The following EDDM13 variants were observed in gnomAD, a reference collection of about 807,000 sequenced individuals.
The protein encoded by EDDM13 is epididymal protein 13.
Under a neutral mutation model 17.8 loss-of-function variants are expected in EDDM13, and 24 were observed. The ratio of observed to expected loss-of-function variants is 1.35; its 90% CI spans 0.98 to 1.90. The LOEUF (loss-of-function observed/expected upper bound fraction) is 1.90. Among genes scored for constraint, EDDM13 ranks in the 40% most tolerant of loss-of-function variants. The probability of loss-of-function intolerance (pLI) is 0.00; values close to 1 mark genes in which losing one functional copy is unlikely to be tolerated. For missense variants in EDDM13, 97 were observed against 100.8 expected (o/e 0.96, Z 0.16); for synonymous variants, 31 against 37.5 (o/e 0.83, Z 0.63).
At chr19:56,281,807 G>A (rs2038729957) in intron 3 of EDDM13, 109 bp downstream of exon 3, 1 of 578,454 alleles carries the variant, frequency 1.7e-6, no homozygotes, top group Non-Finnish European at 2.2e-6. Flanking sequence ...CATTCAACCT[G>A]GGGCAGATTC....
intron 11 of EDDM13, 95 bp downstream of exon 11, chr19:56,296,457 C>T (rs2147207493): frequency 6.6e-6 from 1 of 152,250 alleles, no homozygotes; most frequent in East Asian, 1.9e-4. Context: ...TAAATATCAT[C>T]AGACCCTACA....
chr19:56,293,586 CT>C (rs1325969315), intron 9 of EDDM13, among the ~76,000 whole-genome samples: 1 of 152,232 alleles, frequency 6.6e-6, no homozygotes, highest in Admixed American at 6.5e-5. Context: ...GGACCCTCGC[CT>C]CCTGAAGGGC....
chr19:56,299,800 T>C (rs1162836318), intron 12 of EDDM13: 3 of 152,206 alleles, frequency 2.0e-5, no homozygotes, highest in Admixed American at 6.5e-5. Flanking sequence ...TTAAAAAGTA[T>C]TTTTGACCAG....
chr19:56,297,616 G>A (rs1332468347), intron 12 of EDDM13, 85 bp downstream of exon 12: 1 of 816,960 alleles, frequency 1.2e-6, no homozygotes, highest in African/African-American at 2.0e-5. Context: ...TAGAAGAGAA[G>A]ATTTCAGGTA....
At chr19:56,283,947 G>C (rs889121733) in intron 4 of EDDM13, 1 of 152,246 alleles carries the variant, frequency 6.6e-6, no homozygotes, top group Non-Finnish European at 1.5e-5. Context: ...CACTTTGGAC[G>C]CTCTTCCCTG....
chr19:56,292,713 A>T (rs2039602180), intron 9 of EDDM13, among the ~76,000 whole-genome samples: 1 of 152,116 alleles, frequency 6.6e-6, no homozygotes, highest in South Asian at 2.1e-4. Flanking sequence ...TTAAACAGTC[A>T]GTCCCCATTC....
intron 8 of EDDM13, among the ~76,000 whole-genome samples, chr19:56,290,045 C>T (rs896878652): frequency 6.6e-6 from 1 of 152,138 alleles, no homozygotes; most frequent in African/African-American, 2.4e-5. Flanking sequence ...CAAATGGAAC[C>T]CAAGTTATAA....
chr19:56,296,911 T>C (rs1221428249), intron 11 of EDDM13, among the ~76,000 whole-genome samples: 3 of 151,828 alleles, frequency 2.0e-5, no homozygotes, highest in Non-Finnish European at 2.9e-5. Context: ...TTTGTAAACA[T>C]AGAAAAAATT....
chr19:56,280,069 C>A (rs1286462216), intron 2 of EDDM13, among the ~76,000 whole-genome samples: 2 of 152,122 alleles, frequency 1.3e-5, no homozygotes, highest in African/African-American at 4.8e-5. Context: ...CCGAAAGAAT[C>A]TGATATTAAT....
chr19:56,293,291 G>A (rs1271860199), intron 9 of EDDM13, among the ~76,000 whole-genome samples: 2 of 152,136 alleles, frequency 1.3e-5, no homozygotes, highest in African/African-American at 4.8e-5. Context: ...AGGGAGAGTC[G>A]CTTGCTCATG....
At chr19:56,282,826 A>G (rs2038815210) in intron 4 of EDDM13, among the ~76,000 whole-genome samples, 1 of 152,250 alleles carries the variant, frequency 6.6e-6, no homozygotes, top group South Asian at 2.1e-4. Flanking sequence ...GTTAGACACA[A>G]TGACTTACAT....
chr19:56,293,903 C>A lies in EDDM13; in HGVS notation c.233-2056C>A, dbSNP rs367803475. Among the ~76,000 whole-genome samples, 220 of 152,208 alleles carry A rather than the reference C, an allele frequency of 1.4e-3. 4 individuals are homozygous for A. The South Asian group carries it at 0.032, about 22-fold the overall frequency. ...TGTCACTCGTCTGGAGGTTGAGAAA[C>A]CCCCCGCTGAATAAAATGTCTGGCA... On this transcript the variant is annotated intron_variant, in intron 9 of 14. Transcript: ENST00000649256.
intron 9 of EDDM13, among the ~76,000 whole-genome samples, chr19:56,293,981 C>T (rs1360956896): frequency 6.6e-6 from 1 of 152,238 alleles, no homozygotes; most frequent in Non-Finnish European, 1.5e-5. Context: ...TACCTTTGTT[C>T]TGAACACTCC....
At chr19:56,280,911 C>A (rs1044966734) in intron 2 of EDDM13, among the ~76,000 whole-genome samples, 3 of 152,182 alleles carry the variant, frequency 2.0e-5, no homozygotes, top group Non-Finnish European at 4.4e-5. Context: ...ATAACACATA[C>A]ACATTTGACC....
At chr19:56,296,736 G>T (rs947426104) in intron 11 of EDDM13, among the ~76,000 whole-genome samples, 1 of 151,964 alleles carries the variant, frequency 6.6e-6, no homozygotes, top group African/African-American at 2.4e-5. Flanking sequence ...CGCAGTGCGG[G>T]AAACTTAAGT....
chr19:56,304,867 T>A, intron 14 of EDDM13, 37 bp downstream of exon 14: 1 of 888,088 alleles, frequency 1.1e-6, no homozygotes, highest in Non-Finnish European at 1.3e-6. Context: ...TTCCCACCGC[T>A]GGGGTGGGGT....
At chr19:56,281,354 G>GTT (rs2038687626) in intron 2 of EDDM13, among the ~76,000 whole-genome samples, 1 of 30,138 alleles carries the variant, frequency 3.3e-5, no homozygotes, top group Non-Finnish European at 8.7e-5. Context: ...GGTCAACGGT[G>GTT]TGTGTATGTA....
intron 6 of EDDM13, among the ~76,000 whole-genome samples, chr19:56,288,114 G>A (rs1306647496): frequency 6.6e-6 from 1 of 152,112 alleles, no homozygotes; most frequent in Non-Finnish European, 1.5e-5. Context: ...GGCCCAAATG[G>A]GTCCATGGTG....
At chr19:56,308,798 A>G (rs2040860825) in intron 14 of EDDM13, among the ~76,000 whole-genome samples, 1 of 152,188 alleles carries the variant, frequency 6.6e-6, no homozygotes, top group Non-Finnish European at 1.5e-5. Flanking sequence ...TTCAGATTCC[A>G]CTGGGGAGGA....
Sources: allele counts gnomAD v4.1 joint callset (sites outside exome capture counted in the v4.1 genomes callset), GRCh38; gene constraint gnomAD v4.1.1; transcripts MANE v1.5; gene names NCBI Gene and HGNC (gene_info 2026-07-23, HGNC 2026-07-21).